The following MLPH variants were observed in gnomAD, a reference collection of about 807,000 sequenced individuals.
The protein encoded by MLPH is exophilin-3.
In MLPH, 51 loss-of-function variants were observed where a neutral mutation model predicts 72.1. The ratio of observed to expected loss-of-function variants is 0.71; its 90% confidence interval spans 0.56 to 0.89. The LOEUF (loss-of-function observed/expected upper bound fraction) is 0.89. Among genes scored for constraint, MLPH ranks in the 40% least tolerant of loss-of-function variants. The pLI, the probability that MLPH is intolerant of heterozygous loss-of-function variation, is 0.00. For synonymous variants in MLPH, 301 were observed against 310.1 expected (o/e 0.97, Z 0.31); for missense variants, 743 against 759.9 (o/e 0.98, Z 0.26).
intron 4 of MLPH, among the ~76,000 whole-genome samples, chr2:237,513,568 C>CT (rs924840883): frequency 1.3e-5 from 2 of 151,992 alleles, no homozygotes; most frequent in Admixed American, 6.5e-5. Context: ...TGGTTTTTTT[C>CT]TTTTTTTTAG....
intron 11 of MLPH, among the ~76,000 whole-genome samples, chr2:237,542,170 G>A (rs570744562): frequency 6.6e-6 from 1 of 152,094 alleles, no homozygotes; most frequent in Non-Finnish European, 1.5e-5. Flanking sequence ...GGCCTAAGAC[G>A]GGAGGGGTGG....
rs2080458879 is a variant in MLPH, at chr2:237,533,224, A to G, written c.1021-1340A>G. ...CTCCTGGGGAGTGGGAGCTAGAGTTATCTTCAAGGATGTTTCCATTTCAAA... is the reference window on the plus strand; with the variant it reads ...CTCCTGGGGAGTGGGAGCTAGAGTTGTCTTCAAGGATGTTTCCATTTCAAA... On this transcript the variant is annotated intron_variant, in intron 8 of 15. Coordinates refer to ENST00000264605, the MANE Select transcript of MLPH (RefSeq NM_024101.7). 2.0e-5 allele frequency among the ~76,000 whole-genome samples: 3 copies of G among 152,302 alleles called. No individual in the cohort carries two copies. The South Asian group carries it at 6.2e-4, about 32-fold the overall frequency.
intron 12 of MLPH, 59 bp downstream of exon 12, chr2:237,542,718 GCGGACAGTGGTGAGT>G: frequency 8.0e-7 from 1 of 1,245,480 alleles, no homozygotes; most frequent in Non-Finnish European, 1.1e-6. Flanking sequence ...GTGGTGAGTG[GCGGACAGTGGTGAGT>G]GGGGGACAGT....
chr2:237,542,704 G>A (rs2080723653), intron 12 of MLPH, 45 bp downstream of exon 12: 5 of 1,326,154 alleles, frequency 3.8e-6, no homozygotes, highest in Middle Eastern at 2.5e-4. Flanking sequence ...TGAGTGGGGG[G>A]GCAGTGGTGA....
At chr2:237,528,630 C>T (rs926205815) in intron 8 of MLPH, among the ~76,000 whole-genome samples, 2 of 152,214 alleles carry the variant, frequency 1.3e-5, no homozygotes, top group South Asian at 4.2e-4. Context: ...ACATTACAAG[C>T]GTGAGCCACT....
chr2:237,519,394 G>A (rs2080126641), intron 5 of MLPH, among the ~76,000 whole-genome samples: 1 of 152,198 alleles, frequency 6.6e-6, no homozygotes, highest in South Asian at 2.1e-4. Flanking sequence ...TGCAGTGCCT[G>A]GAGTATTCCC....
At chr2:237,514,982 CT>C (rs1199938348) in intron 4 of MLPH, among the ~76,000 whole-genome samples, 1 of 152,238 alleles carries the variant, frequency 6.6e-6, no homozygotes, top group African/African-American at 2.4e-5. Context: ...GTCACCTGAT[CT>C]CAGCTGTTTG....
intron 1 of MLPH, among the ~76,000 whole-genome samples, chr2:237,487,663 T>C (rs2079345036): frequency 6.6e-6 from 1 of 152,194 alleles, no homozygotes; most frequent in Admixed American, 6.5e-5. Flanking sequence ...CTGCTCTGGG[T>C]GCAGGCACGG....
chr2:237,536,610 A>G (rs2080535621), intron 9 of MLPH, among the ~76,000 whole-genome samples: 1 of 152,034 alleles, frequency 6.6e-6, no homozygotes, highest in Admixed American at 6.6e-5. Flanking sequence ...CCAGCGCCCC[A>G]TCGGACCCCA....
chr2:237,514,305 C>T (rs2079968850), intron 4 of MLPH, among the ~76,000 whole-genome samples: 1 of 152,030 alleles, frequency 6.6e-6, no homozygotes, highest in South Asian at 2.1e-4. Context: ...CACTATGTTG[C>T]CCAGGCTGGT....
At chr2:237,507,651 C>A (rs558473911) in intron 2 of MLPH, among the ~76,000 whole-genome samples, 1 of 152,198 alleles carries the variant, frequency 6.6e-6, no homozygotes, top group Non-Finnish European at 1.5e-5. Context: ...GTGTTGGAAA[C>A]CCTCATCAAA....
rs1173338057 is a variant in MLPH, at chr2:237,510,814, G to A, written c.332+19G>A. Reference sequence around the variant, plus strand: ...TGGCCAGGTGAGCCCAGGCCTTGAGGTAAAATGACCTTGATAGTTTCTGGA... The same window carrying A: ...TGGCCAGGTGAGCCCAGGCCTTGAGATAAAATGACCTTGATAGTTTCTGGA... On this transcript the variant is annotated intron_variant, in intron 3 of 15. Coordinates refer to ENST00000264605, the MANE Select transcript of MLPH (RefSeq NM_024101.7). The surrounding 1 kb of genome is among the most constrained non-coding windows in gnomAD (Gnocchi z 4.4). The A allele has an allele frequency of 1.9e-6, 3 of 1,612,642 alleles. No homozygotes were observed. The South Asian group carries it at 3.3e-5, about 18-fold the overall frequency.
rs5839672 is a variant in MLPH, at chr2:237,491,065, G to GA, written c.-24-2334dup. On this transcript the variant is annotated intron_variant, in intron 1 of 15. Transcript: ENST00000264605. ...TTTTATTTTAAATGGTATCTGCCCAGAAAATGTCCCTTTTCATAGTTAACC... is the reference window on the plus strand; with the variant it reads ...TTTTATTTTAAATGGTATCTGCCCAGAAAAATGTCCCTTTTCATAGTTAACC... Among the ~76,000 whole-genome samples the GA allele has an allele frequency of 3.9e-3, 592 of 152,318 alleles. 12 individuals carry two copies. In the South Asian group the frequency reaches 0.043, roughly 11 times the overall value.
chr2:237,490,023 C>T (rs1042741707), intron 1 of MLPH, among the ~76,000 whole-genome samples: 4 of 152,106 alleles, frequency 2.6e-5, no homozygotes, highest in Admixed American at 6.5e-5. Flanking sequence ...AAAATATGAT[C>T]GAATCTGAGC....
chr2:237,495,381 AT>A (rs2079514117), intron 2 of MLPH, among the ~76,000 whole-genome samples: 1 of 152,186 alleles, frequency 6.6e-6, no homozygotes, highest in South Asian at 2.1e-4. Flanking sequence ...GGGTGGCAGC[AT>A]TGTTCAGCTG....
rs1033390398 is a variant in MLPH, at chr2:237,510,372, G to T, written c.111-202G>T. 2 of 635,156 alleles carry T rather than the reference G, an allele frequency of 3.1e-6. No homozygotes were observed. The highest frequency in any genetic ancestry group is 3.7e-5 in the South Asian group (2 of 53,468). 39.3% of individuals were successfully genotyped at this position (635,156 alleles called of 1,614,324 possible). On this transcript the variant is annotated intron_variant, in intron 2 of 15. Coordinates refer to ENST00000264605, the MANE Select transcript of MLPH (RefSeq NM_024101.7). This position sits in a 1 kb window ranked among gnomAD's most constrained non-coding sequence, Gnocchi z 4.4. ...CCATTCCATTCCAGCCACCAAAATTGCCCGTTTGAGCTCAGCCCTCAAAAC... is the reference window on the plus strand; with the variant it reads ...CCATTCCATTCCAGCCACCAAAATTTCCCGTTTGAGCTCAGCCCTCAAAAC...
chr2:237,527,561 G>A (rs748964299), intron 8 of MLPH, 45 bp downstream of exon 8: 4 of 1,612,724 alleles, frequency 2.5e-6, no homozygotes, highest in South Asian at 1.1e-5. Context: ...TTCTTTGGGT[G>A]GAGTCTTTTT....
At chr2:237,501,288 T>A (rs1389389046) in intron 2 of MLPH, among the ~76,000 whole-genome samples, 1 of 152,156 alleles carries the variant, frequency 6.6e-6, no homozygotes, top group Non-Finnish European at 1.5e-5. Flanking sequence ...CAGCTTCATC[T>A]CTATTGTCTC....
Position 237,553,602 on chromosome 2 carries a change from A to T in MLPH, c.*10A>T, listed in dbSNP as rs1218819747. Reference sequence around the variant, plus strand: ...GGCCCACCAGTCCTAACGGGACAGGACAGAGAGACAGAGCAGCCCTGCACT... The same window carrying T: ...GGCCCACCAGTCCTAACGGGACAGGTCAGAGAGACAGAGCAGCCCTGCACT... On this transcript the variant is annotated 3_prime_UTR_variant, in exon 16 of 16. Transcript: ENST00000264605. 2 of 1,614,246 alleles carry T rather than the reference A, an allele frequency of 1.2e-6. No homozygotes were observed. The highest frequency in any genetic ancestry group is 1.7e-6 in the Non-Finnish European group (2 of 1,180,044).
Sources: gnomAD v4.1 joint callset for allele counts (sites outside exome capture counted in the v4.1 genomes callset) on GRCh38, gnomAD v4.1.1 for gene constraint, Gnocchi (gnomAD v3.1) non-coding constraint, MANE v1.5 for transcripts, NCBI Gene and HGNC (gene_info 2026-07-23, HGNC 2026-07-21) for gene names.